FOXP2: variants seen among roughly 807,000 people sequenced by gnomAD.
FOXP2 encodes the protein forkhead box P2.
Under a neutral mutation model 115.8 loss-of-function variants are expected in FOXP2, and 12 were observed. The observed-to-expected ratio is 0.10, with a 90% confidence interval of 0.07 to 0.17. The LOEUF (loss-of-function observed/expected upper bound fraction) is 0.17, where lower values mean the gene tolerates loss of function less well. FOXP2 is among the 10% of genes least tolerant of loss of function. The probability of loss-of-function intolerance (pLI) is 1.00; values close to 1 mark genes in which losing one functional copy is unlikely to be tolerated. For missense variants in FOXP2, 629 were observed against 843.5 expected, an observed-to-expected ratio of 0.75 and a Z score of 3.15; for synonymous variants, 328 against 297.7, an observed-to-expected ratio of 1.10 and a Z score of -1.05.
intron 2 of FOXP2, among the ~76,000 whole-genome samples, chr7:114,432,639 C>A (rs1209777259): frequency 6.6e-6 from 1 of 151,834 alleles, no homozygotes; most frequent in East Asian, 1.9e-4. Context: ...GAAAATGTGG[C>A]ATCTATTTAC....
At chr7:114,239,361 G>T (rs937214896) in intron 1 of FOXP2, among the ~76,000 whole-genome samples, 1 of 152,092 alleles carries the variant, frequency 6.6e-6, no homozygotes, top group Non-Finnish European at 1.5e-5. Context: ...CTACAAATAA[G>T]TGTTAAAGTC....
intron 1 of FOXP2, among the ~76,000 whole-genome samples, chr7:114,248,088 G>A (rs994580809): frequency 6.6e-6 from 1 of 151,974 alleles, no homozygotes; most frequent in East Asian, 1.9e-4. Flanking sequence ...ACCTGAGAAC[G>A]AGGAGAGCCA....
At chr7:114,317,312 A>T (rs1797300096) in intron 2 of FOXP2, among the ~76,000 whole-genome samples, 1 of 152,194 alleles carries the variant, frequency 6.6e-6, no homozygotes, top group Non-Finnish European at 1.5e-5. Flanking sequence ...TAAGCAATAG[A>T]TCGAAACCAA....
chr7:114,390,354 C>T (rs539641687), intron 2 of FOXP2, among the ~76,000 whole-genome samples: 90 of 151,990 alleles, frequency 5.9e-4, no homozygotes, highest in Non-Finnish European at 1.1e-3. Context: ...AGGAGCAGAG[C>T]CTGAATTTGT....
chr7:114,136,100 T>C (rs539760884), intron 1 of FOXP2, among the ~76,000 whole-genome samples: 184 of 152,210 alleles, frequency 1.2e-3, no homozygotes, highest in African/African-American at 4.3e-3. Flanking sequence ...TTTGCTGGAA[T>C]GTGTCTGTTG....
intron 2 of FOXP2, among the ~76,000 whole-genome samples, chr7:114,386,567 GTCATAT>G (rs2129193177): frequency 6.6e-6 from 1 of 152,308 alleles, no homozygotes; most frequent in South Asian, 2.1e-4. Context: ...GACCGTGGGA[GTCATAT>G]TCATCCTTCT....
intron 1 of FOXP2, among the ~76,000 whole-genome samples, chr7:114,168,494 T>G (rs1281345282): frequency 6.6e-6 from 1 of 152,122 alleles, no homozygotes; most frequent in African/African-American, 2.4e-5. Flanking sequence ...TTGAGAGAGA[T>G]GATTTAAGAT....
At chr7:114,500,153 T>C (rs1242827086) in intron 2 of FOXP2, among the ~76,000 whole-genome samples, 1 of 149,996 alleles carries the variant, frequency 6.7e-6, no homozygotes, top group Non-Finnish European at 1.5e-5. Context: ...GAGGCGGAGC[T>C]TGCAGTGAGC....
chr7:114,263,629 T>C (rs564810332), intron 1 of FOXP2, among the ~76,000 whole-genome samples: 1 of 151,906 alleles, frequency 6.6e-6, no homozygotes, highest in African/African-American at 2.4e-5. Flanking sequence ...GATGTTCTTT[T>C]CTTAATCAGT....
chr7:114,272,313 G>T (rs149456322), intron 1 of FOXP2, among the ~76,000 whole-genome samples: 1 of 151,390 alleles, frequency 6.6e-6, no homozygotes, highest in African/African-American at 2.4e-5. Context: ...TTTGCAATTT[G>T]TGTTCCTGAG....
At chr7:114,650,334 C>T (rs1007478358) in intron 8 of FOXP2, among the ~76,000 whole-genome samples, 7 of 151,936 alleles carry the variant, frequency 4.6e-5, no homozygotes, top group Non-Finnish European at 1.0e-4. Context: ...CATTTACACC[C>T]TAATCTCAGT....
At chr7:114,577,188 A>G (rs928663554) in intron 3 of FOXP2, among the ~76,000 whole-genome samples, 14 of 151,978 alleles carry the variant, frequency 9.2e-5, no homozygotes, top group Non-Finnish European at 1.5e-5. Flanking sequence ...ATTTCTAAAT[A>G]ACAGGATTTT....
intron 2 of FOXP2, among the ~76,000 whole-genome samples, chr7:114,438,716 G>A (rs1388426900): frequency 1.3e-5 from 2 of 151,996 alleles, no homozygotes; most frequent in African/African-American, 2.4e-5. Context: ...AAAAATAAAT[G>A]TCTTAAAGTC....
intron 2 of FOXP2, among the ~76,000 whole-genome samples, chr7:114,433,436 A>G (rs1794202020): frequency 1.3e-5 from 2 of 152,046 alleles, no homozygotes; most frequent in African/African-American, 4.8e-5. Context: ...ATTAGTTGAA[A>G]AAAAATATTT....
Position 114,288,062 on chromosome 7 carries a change from C to A in FOXP2, c.-58C>A, listed in dbSNP as rs555151948. 814 of 453,226 alleles carry A rather than the reference C, an allele frequency of 1.8e-3. 13 individuals are homozygous for A. Among genetic ancestry groups the A allele is most frequent in the South Asian group, 0.012 (742 of 64,352 alleles). The allele number at this position is 453,226 out of a possible 1,614,324, so 28.1% of individuals were successfully genotyped here. A position where few individuals can be genotyped will look rare whatever the true frequency, so the allele number is the denominator to read the frequency against. On this transcript the variant is annotated 5_prime_UTR_variant, in exon 2 of 18. Coordinates refer to the FOXP2 transcript ENST00000634411. Reference sequence around the variant, plus strand: ...CTGGGATTGAATTTTCCTAGGACTCCGTTTCAAGGTTAATTCGAAAGTCTT... The same window carrying A: ...CTGGGATTGAATTTTCCTAGGACTCAGTTTCAAGGTTAATTCGAAAGTCTT...
At chr7:114,498,969 G>A in intron 2 of FOXP2, 1 of 717,332 alleles carries the variant, frequency 1.4e-6, no homozygotes, top group Non-Finnish European at 2.6e-6. Flanking sequence ...ATTCTCAAAA[G>A]TGTGAGTCCT....
chr7:114,256,482 G>C (rs1795616820), intron 1 of FOXP2, among the ~76,000 whole-genome samples: 1 of 151,998 alleles, frequency 6.6e-6, no homozygotes, highest in African/African-American at 2.4e-5. Context: ...CCTGTTTGTT[G>C]GCTGCAAAAA....
At chr7:114,538,106 T>G (rs970172092) in intron 3 of FOXP2, among the ~76,000 whole-genome samples, 3 of 151,634 alleles carry the variant, frequency 2.0e-5, no homozygotes, top group Non-Finnish European at 3.0e-5. Flanking sequence ...TCCTTTCAAT[T>G]TCATGAAACT....
At chr7:114,683,399 C>A (rs1808198893) in intron 16 of FOXP2, among the ~76,000 whole-genome samples, 1 of 152,156 alleles carries the variant, frequency 6.6e-6, no homozygotes, top group Admixed American at 6.5e-5. Flanking sequence ...AAGAAACTTT[C>A]TAGAGGCCAG....
Sources: allele counts gnomAD v4.1 joint callset (sites outside exome capture counted in the v4.1 genomes callset), GRCh38; gene constraint gnomAD v4.1.1; transcripts MANE v1.5; gene names NCBI Gene and HGNC (gene_info 2026-07-23, HGNC 2026-07-21).